The following ARHGAP44 variants were observed in gnomAD, a reference collection of about 807,000 sequenced individuals.
ARHGAP44 encodes rho GTPase-activating protein 44.
A neutral mutation model predicts 106.8 loss-of-function variants in ARHGAP44; 43 were observed. The observed-to-expected ratio is 0.40, with a 90% CI of 0.32 to 0.52. The LOEUF (loss-of-function observed/expected upper bound fraction) is 0.52. Ranked by LOEUF, ARHGAP44 falls within the 20% of genes least tolerant of loss-of-function variation. ARHGAP44 has a pLI of 0.48. For missense variants in ARHGAP44, 866 were observed against 1,050.5 expected, an observed-to-expected ratio of 0.82 and a Z score of 2.43; for synonymous variants, 439 against 410.3, an observed-to-expected ratio of 1.07 and a Z score of -0.85.
Position 12,978,515 on chromosome 17 carries a change from T to C in ARHGAP44, c.1764-1543T>C, listed in dbSNP as rs76450629. On this transcript the variant is annotated intron_variant, in intron 18 of 20. Transcript: ENST00000379672. ...TTCTTTGCATGAGGAAAATGACCTG[T>C]GCTTTGACGCTATGGGCTTCCCCGG... Among the ~76,000 whole-genome samples the C allele has an allele frequency of 9.2e-5, 14 of 151,724 alleles. No homozygotes were observed. The East Asian group carries it at 2.7e-3, about 29-fold the overall frequency.
intron 1 of ARHGAP44, among the ~76,000 whole-genome samples, chr17:12,801,671 G>A (rs1381349910): frequency 6.6e-6 from 1 of 152,150 alleles, no homozygotes; most frequent in Non-Finnish European, 1.5e-5. Flanking sequence ...CGAGAGACAT[G>A]TTTATGATAG....
intron 16 of ARHGAP44, 23 bp from the exon 17 acceptor site, chr17:12,973,279 T>C (rs1461151013): frequency 2.5e-6 from 4 of 1,603,192 alleles, no homozygotes; most frequent in Non-Finnish European, 3.4e-6. Flanking sequence ...GAAACTAATA[T>C]CTGTATGTTT....
At chr17:12,851,227 C>T (rs1447602251) in intron 1 of ARHGAP44, among the ~76,000 whole-genome samples, 4 of 152,230 alleles carry the variant, frequency 2.6e-5, no homozygotes, top group East Asian at 3.9e-4. Flanking sequence ...GCATCTCCCA[C>T]GTGCAGTTGG....
At chr17:12,806,609 C>G (rs1442367838) in intron 1 of ARHGAP44, among the ~76,000 whole-genome samples, 3 of 152,138 alleles carry the variant, frequency 2.0e-5, no homozygotes, top group African/African-American at 7.2e-5. Flanking sequence ...TGACATCTCC[C>G]CATAGTTTTT....
chr17:12,945,390 T>A (rs779777460), intron 10 of ARHGAP44, among the ~76,000 whole-genome samples: 1 of 152,210 alleles, frequency 6.6e-6, no homozygotes, highest in Non-Finnish European at 1.5e-5. Context: ...GTTTCTTCCA[T>A]AGACTATTTT....
intron 12 of ARHGAP44, 120 bp from the exon 13 acceptor site, chr17:12,952,381 T>C: frequency 1.3e-6 from 1 of 791,906 alleles, no homozygotes; most frequent in Non-Finnish European, 2.0e-6. Flanking sequence ...AAATACTAGC[T>C]TGCTGATATG....
At chr17:12,957,355 T>G (rs1221492556) in intron 15 of ARHGAP44, among the ~76,000 whole-genome samples, 1 of 152,198 alleles carries the variant, frequency 6.6e-6, no homozygotes, top group East Asian at 1.9e-4. Context: ...CATACCATAG[T>G]TTCTTCAAAT....
rs67037408 is a variant in ARHGAP44 at position 12,938,582 on chromosome 17, T to TA, written c.583-2453dup. ...CTGGGACATTTGGTTAGCTATATAT[T>TA]AAAAAAAAAAAAAAAAAAAAACAGC... is the stretch of plus-strand genomic sequence containing the variant. On this transcript the variant is annotated intron_variant, in intron 7 of 20. Coordinates refer to ENST00000379672, the MANE Select transcript of ARHGAP44 (RefSeq NM_014859.6). Among the ~76,000 whole-genome samples, 598 of 126,984 alleles carry TA rather than the reference T, an allele frequency of 4.7e-3. 6 individuals are homozygous for TA. Among genetic ancestry groups the TA allele is most frequent in the East Asian group, 0.015 (65 of 4,228 alleles). The allele number at this position is 126,984 out of a possible 152,430, so 83.3% of individuals were successfully genotyped here.
At chr17:12,838,434 C>A (rs960504591) in intron 1 of ARHGAP44, among the ~76,000 whole-genome samples, 2 of 152,120 alleles carry the variant, frequency 1.3e-5, no homozygotes, top group Non-Finnish European at 2.9e-5. Context: ...AAATGGTCAA[C>A]TTTCTTTTGC....
intron 19 of ARHGAP44, among the ~76,000 whole-genome samples, chr17:12,981,736 C>T (rs573122853): frequency 3.3e-5 from 5 of 151,568 alleles, no homozygotes; most frequent in Middle Eastern, 3.4e-3. Context: ...ACTGGCCGGA[C>T]GCAGTGGCCC....
At chr17:12,828,643 T>C (rs189564366) in intron 1 of ARHGAP44, among the ~76,000 whole-genome samples, 8 of 144,508 alleles carry the variant, frequency 5.5e-5, no homozygotes, top group African/African-American at 1.0e-4. Context: ...TTTCTTTTTT[T>C]TTTTTTTTTT....
rs868156851 is a variant in ARHGAP44, at chr17:12,990,109, C to T, written c.2395C>T (p.Arg799Trp). 11 of 1,613,324 alleles carry T rather than the reference C, an allele frequency of 6.8e-6. No homozygotes were observed. The highest frequency in any genetic ancestry group is 6.8e-6 in the Non-Finnish European group (8 of 1,179,714). The change falls in exon 21 of 21, where the codon CGG becomes TGG. Residue 799 changes from arginine (R) to tryptophan (W), a missense_variant. Physicochemically the swap from Arg to Trp is moderately radical, Grantham distance 101 (BLOSUM62 -3). Around this residue, in one of 2 missense-constraint regions of ARHGAP44, gnomAD observed 418 missense variants for 403.6 expected, o/e 1.04. Transcript: ENST00000379672. ...CCGCCTGAGTCCCCTGGAGCACATG[C>T]GGCGACACTCAGTAACTGACAAGAG... is the stretch of plus-strand genomic sequence containing the variant. ...TLRLSPLEHM[R>W]RHSVTDKRDS...
At chr17:12,920,324 C>A (rs1396955246) in intron 6 of ARHGAP44, among the ~76,000 whole-genome samples, 1 of 122,630 alleles carries the variant, frequency 8.2e-6, no homozygotes, top group Non-Finnish European at 1.5e-5. Flanking sequence ...TGCAGTGAGC[C>A]GAGATCATGC....
intron 1 of ARHGAP44, among the ~76,000 whole-genome samples, chr17:12,795,150 C>T (rs1034815143): frequency 6.6e-6 from 1 of 152,198 alleles, no homozygotes; most frequent in African/African-American, 2.4e-5. Flanking sequence ...CCAAACTCGT[C>T]CCCCAAAGAG....
At chr17:12,977,490 C>T (rs780181764) in intron 18 of ARHGAP44, among the ~76,000 whole-genome samples, 6 of 152,162 alleles carry the variant, frequency 3.9e-5, no homozygotes, top group Non-Finnish European at 5.9e-5. Flanking sequence ...CCAGGCTCTG[C>T]CTCCACATCC....
chr17:12,865,122 A>T lies in ARHGAP44; in HGVS notation c.54-29818A>T, dbSNP rs535717853. On this transcript the variant is annotated intron_variant, in intron 1 of 20. Transcript: ENST00000379672. ...TGAATATTTCAAACTACATGTATAGACATTTCCTGGTGAAATCCTAGAATT... is the reference window on the plus strand; with the variant it reads ...TGAATATTTCAAACTACATGTATAGTCATTTCCTGGTGAAATCCTAGAATT... 3.6e-4 allele frequency among the ~76,000 whole-genome samples: 55 copies of T among 152,330 alleles called. No homozygotes were observed. The South Asian group carries it at 9.1e-3, about 25-fold the overall frequency.
chr17:12,909,381 C>G (rs892010578), intron 4 of ARHGAP44, among the ~76,000 whole-genome samples: 9 of 151,878 alleles, frequency 5.9e-5, no homozygotes, highest in Non-Finnish European at 1.3e-4. Flanking sequence ...AGTCAGTACC[C>G]TGAGAACGAA....
intron 1 of ARHGAP44, among the ~76,000 whole-genome samples, chr17:12,883,755 C>T (rs1180174874): frequency 6.6e-6 from 1 of 152,100 alleles, no homozygotes; most frequent in African/African-American, 2.4e-5. Flanking sequence ...GCTTTACAGA[C>T]TTACAAGTGG....
At chr17:12,974,964 C>G (rs2039639778) in intron 18 of ARHGAP44, among the ~76,000 whole-genome samples, 1 of 151,880 alleles carries the variant, frequency 6.6e-6, no homozygotes, top group African/African-American at 2.4e-5. Flanking sequence ...ATTCTCCTGC[C>G]TCAGCCTCCC....
Sources: gnomAD v4.1 joint callset for allele counts (sites outside exome capture counted in the v4.1 genomes callset) on GRCh38, gnomAD v4.1.1 for gene constraint, gnomAD v4.1.1 regional missense constraint, MANE v1.5 for transcripts, NCBI Gene and HGNC (gene_info 2026-07-23, HGNC 2026-07-21) for gene names.